The following ZNF385D variants were observed in gnomAD, a reference collection of about 807,000 sequenced individuals.
ZNF385D encodes the protein zinc finger protein 659.
In ZNF385D, 15 loss-of-function variants were observed where a neutral mutation model predicts 35.8. The observed-to-expected ratio is 0.42, with a 90% confidence interval of 0.28 to 0.64. The LOEUF (loss-of-function observed/expected upper bound fraction) is 0.64. Ranked by LOEUF, ZNF385D falls within the 30% of genes least tolerant of loss-of-function variation. The pLI is 0.23. For missense variants in ZNF385D, 474 were observed against 494.6 expected, an observed-to-expected ratio of 0.96 and a Z score of 0.39; for synonymous variants, 212 against 186.8, an observed-to-expected ratio of 1.13 and a Z score of -1.10.
In ZNF385D at chr3:22,082,896, G is replaced by T. The variant is rs569098121; in HGVS notation, c.325+85921C>A. ...CAATATTTGCTGTTCTACAATATTTGCTGTTCTGCAGCCTCTGCTGGTGAT... is the reference window on the plus strand; with the variant it reads ...CAATATTTGCTGTTCTACAATATTTTCTGTTCTGCAGCCTCTGCTGGTGAT... On this transcript the variant is annotated intron_variant, in intron 3 of 5. Transcript: ENST00000494108. Among the ~76,000 whole-genome samples, 232 of 152,304 alleles carry T rather than the reference G, an allele frequency of 1.5e-3. 1 individual carries two copies. The highest frequency in any genetic ancestry group is 4.3e-3 in the African/African-American group (180 of 41,554).
chr3:21,765,108 T>C (rs768696428), intron 3 of ZNF385D, among the ~76,000 whole-genome samples: 2 of 152,120 alleles, frequency 1.3e-5, no homozygotes, highest in African/African-American at 2.4e-5. Context: ...AGTACAGTAG[T>C]ATTTTCATTA....
chr3:22,347,767 A>G (rs929699147), intron 2 of ZNF385D, among the ~76,000 whole-genome samples: 1 of 152,188 alleles, frequency 6.6e-6, no homozygotes, highest in Non-Finnish European at 1.5e-5. Flanking sequence ...TGGGAACAAA[A>G]TTCCTAAAAC....
At chr3:22,094,272 T>C (rs931289251) in intron 3 of ZNF385D, among the ~76,000 whole-genome samples, 12 of 151,158 alleles carry the variant, frequency 7.9e-5, no homozygotes, top group African/African-American at 2.7e-4. Flanking sequence ...CCTCAATACA[T>C]GTATTTATCC....
At chr3:22,348,485 T>TTAAAA (rs1227585221) in intron 2 of ZNF385D, among the ~76,000 whole-genome samples, 1 of 84,934 alleles carries the variant, frequency 1.2e-5, no homozygotes, top group African/African-American at 5.7e-5. Context: ...CCATCTCTAC[T>TTAAAA]AAAAAAAAAA....
chr3:21,999,982 C>T (rs779967173), intron 3 of ZNF385D, among the ~76,000 whole-genome samples: 1 of 151,976 alleles, frequency 6.6e-6, no homozygotes, highest in South Asian at 2.1e-4. Context: ...ACAAGAAGCT[C>T]AAAAATCCCC....
intron 6 of ZNF385D, among the ~76,000 whole-genome samples, chr3:21,425,070 A>C (rs938791617): frequency 6.6e-6 from 1 of 152,204 alleles, no homozygotes; most frequent in African/African-American, 2.4e-5. Flanking sequence ...AAATGAAAGA[A>C]TAGCTCAGTG....
At chr3:21,954,206 C>T (rs367959425) in intron 3 of ZNF385D, among the ~76,000 whole-genome samples, 1 of 151,890 alleles carries the variant, frequency 6.6e-6, no homozygotes, top group African/African-American at 2.4e-5. Context: ...AGTTTCTTTG[C>T]TGTAACAAGG....
chr3:21,833,597 A>T (rs1695139946), intron 3 of ZNF385D, among the ~76,000 whole-genome samples: 1 of 152,216 alleles, frequency 6.6e-6, no homozygotes, highest in East Asian at 1.9e-4. Flanking sequence ...TCTGACCCTC[A>T]GAACTATGAG....
intron 3 of ZNF385D, among the ~76,000 whole-genome samples, chr3:22,033,102 G>A (rs1698098388): frequency 6.6e-6 from 1 of 152,058 alleles, no homozygotes; most frequent in South Asian, 2.1e-4. Context: ...AGGTCAAAGA[G>A]TATAGAATGA....
intron 3 of ZNF385D, among the ~76,000 whole-genome samples, chr3:21,850,680 G>T (rs114059499): frequency 5.5e-4 from 83 of 152,194 alleles, no homozygotes; most frequent in African/African-American, 1.9e-3. Context: ...ACACGTGGTT[G>T]AGAGATGTTA....
intron 2 of ZNF385D, among the ~76,000 whole-genome samples, chr3:22,285,824 G>A (rs1701995251): frequency 6.6e-6 from 1 of 152,024 alleles, no homozygotes; most frequent in Admixed American, 6.6e-5. Context: ...CCACTCAACT[G>A]ACAGTGTCCC....
chr3:21,503,148 C>T (rs1323955954), intron 4 of ZNF385D, among the ~76,000 whole-genome samples: 1 of 152,074 alleles, frequency 6.6e-6, no homozygotes, highest in Non-Finnish European at 1.5e-5. Flanking sequence ...AAGCATTTGT[C>T]TATCTTAAAA....
At chr3:21,803,383 G>T (rs888410324) in intron 3 of ZNF385D, among the ~76,000 whole-genome samples, 2 of 151,986 alleles carry the variant, frequency 1.3e-5, no homozygotes, top group African/African-American at 2.4e-5. Flanking sequence ...TAGTTTTCTA[G>T]AAAATCATCT....
intron 3 of ZNF385D, among the ~76,000 whole-genome samples, chr3:21,897,692 G>A (rs1699205232): frequency 6.6e-6 from 1 of 152,060 alleles, no homozygotes; most frequent in Non-Finnish European, 1.5e-5. Context: ...GTTCAGAGAA[G>A]GCATCTTGCT....
intron 3 of ZNF385D, among the ~76,000 whole-genome samples, chr3:22,121,688 T>A (rs557571448): frequency 0.014 from 2,063 of 147,894 alleles, 44 homozygotes; most frequent in African/African-American, 0.048. Context: ...TTTTTTTTTT[T>A]AAATAATGAC....
At chr3:21,584,944 T>G (rs565509179) in intron 2 of ZNF385D, among the ~76,000 whole-genome samples, 6 of 152,216 alleles carry the variant, frequency 3.9e-5, no homozygotes, top group African/African-American at 1.4e-4. Context: ...CTCTGGTCTT[T>G]TGCAGCTATA....
At chr3:21,451,533 G>T (rs1702460210) in intron 4 of ZNF385D, among the ~76,000 whole-genome samples, 1 of 151,850 alleles carries the variant, frequency 6.6e-6, no homozygotes, top group Non-Finnish European at 1.5e-5. Context: ...CAACAATCTA[G>T]CTTGCTAGTT....
At chr3:21,684,762 A>T (rs1047410736) in intron 1 of ZNF385D, among the ~76,000 whole-genome samples, 1 of 152,112 alleles carries the variant, frequency 6.6e-6, no homozygotes, top group Non-Finnish European at 1.5e-5. Context: ...TTTCCAAAGA[A>T]TTTTCCATTT....
At chr3:21,444,408 G>A (rs1702035003) in intron 4 of ZNF385D, among the ~76,000 whole-genome samples, 1 of 124,780 alleles carries the variant, frequency 8.0e-6, no homozygotes, top group African/African-American at 3.0e-5. Context: ...TTTTTGAGAT[G>A]GAGCCTCACT....
Sources: allele counts gnomAD v4.1 joint callset (sites outside exome capture counted in the v4.1 genomes callset), GRCh38; gene constraint gnomAD v4.1.1; transcripts MANE v1.5; gene names NCBI Gene and HGNC (gene_info 2026-07-23, HGNC 2026-07-21).